The following PROX1 variants were observed in gnomAD, a reference collection of about 807,000 sequenced individuals.
PROX1 encodes the protein prospero homeobox protein 1.
A neutral mutation model predicts 58.8 loss-of-function variants in PROX1; 7 were observed. The observed-to-expected ratio is 0.12, with a 90% CI of 0.07 to 0.22. The LOEUF is 0.22. Among genes scored for constraint, PROX1 ranks in the 10% least tolerant of loss-of-function variants. The probability of loss-of-function intolerance (pLI) is 1.00; values close to 1 mark genes in which losing one functional copy is unlikely to be tolerated. For missense variants in PROX1, 675 were observed against 927.8 expected (o/e 0.73, Z 3.54); for synonymous variants, 350 against 358.3 (o/e 0.98, Z 0.26).
In PROX1 at chr1:214,036,118, G is replaced by A. The variant is rs188707422; in HGVS notation, c.*284G>A. The A allele has an allele frequency of 1.7e-3, 394 of 235,168 alleles. No homozygotes were observed. The highest frequency in any genetic ancestry group is 3.6e-3 in the African/African-American group (158 of 44,320). The allele number at this position is 235,168 out of a possible 1,614,324, so 14.6% of individuals were successfully genotyped here. ...ATTTTCAGGGAAAAAGAATGTTGGCGTGTGTAAAGTCTCTATTAGCAATGA... is the reference window on the plus strand; with the variant it reads ...ATTTTCAGGGAAAAAGAATGTTGGCATGTGTAAAGTCTCTATTAGCAATGA... On this transcript the variant is annotated 3_prime_UTR_variant, in exon 5 of 5. Coordinates refer to ENST00000366958, the MANE Select transcript of PROX1 (RefSeq NM_001270616.2).
At chr1:214,033,290 G>A (rs1448384207) in intron 4 of PROX1, among the ~76,000 whole-genome samples, 1 of 152,148 alleles carries the variant, frequency 6.6e-6, no homozygotes, top group Non-Finnish European at 1.5e-5. Context: ...TTCTTGAAAC[G>A]TTTATTTTAA....
chr1:214,038,100 TC>T lies in PROX1; in HGVS notation c.*2270del, dbSNP rs1378536621. On this transcript the variant is annotated 3_prime_UTR_variant, in exon 5 of 5. Coordinates refer to ENST00000366958, the MANE Select transcript of PROX1 (RefSeq NM_001270616.2). ...TATTTGGATTTTTTTAGTATTATTTTCCCCTCCCTTTCTAATTTAAATAGAC... is the reference window on the plus strand; with the variant it reads ...TATTTGGATTTTTTTAGTATTATTTTCCCTCCCTTTCTAATTTAAATAGAC... The T allele has an allele frequency of 4.6e-5, 7 of 152,190 alleles. No individual in the cohort carries two copies. The highest frequency in any genetic ancestry group is 1.7e-4 in the African/African-American group (7 of 41,450). The allele number at this position is 152,190 out of a possible 1,614,324, so 9.4% of individuals were successfully genotyped here.
At chr1:214,007,469 T>C (rs1663757840) in intron 3 of PROX1, among the ~76,000 whole-genome samples, 1 of 152,256 alleles carries the variant, frequency 6.6e-6, no homozygotes, top group Non-Finnish European at 1.5e-5. Context: ...AATTATGTTT[T>C]TTCTTTGGTT....
At chr1:213,985,562 C>A (rs541156617), upstream of PROX1, 1 of 152,304 alleles carries the variant, frequency 6.6e-6, no homozygotes, top group Admixed American at 6.5e-5. Context: ...GAGCCGGGAG[C>A]CTCTGCCGCC....
At chr1:213,986,761 C>T (rs1222190704), upstream of PROX1, among the ~76,000 whole-genome samples, 1 of 152,176 alleles carries the variant, frequency 6.6e-6, no homozygotes, top group Non-Finnish European at 1.5e-5. Context: ...GTCATAAACG[C>T]GGCTGCTTTA....
In PROX1 at chr1:213,991,779, A is replaced by G. The variant is rs543971056; in HGVS notation, c.-68+3296A>G. 1.1e-4 allele frequency among the ~76,000 whole-genome samples: 17 copies of G among 152,330 alleles called. No individual in the cohort carries two copies. The South Asian group carries it at 3.3e-3, about 30-fold the overall frequency. ...AAACTCAAACAGGCCTCTTTTCATG[A>G]ATGTCTTATATCATTTTAGGGATTG... On this transcript the variant is annotated intron_variant, in intron 1 of 4. Transcript: ENST00000366958.
chr1:214,026,730 T>C (rs1318596002), intron 4 of PROX1, among the ~76,000 whole-genome samples: 1 of 152,326 alleles, frequency 6.6e-6, no homozygotes, highest in East Asian at 1.9e-4. Flanking sequence ...ACAAAGAAGA[T>C]ACTCAGGGTG....
At chr1:213,989,535 G>A (rs545449522) in intron 1 of PROX1, among the ~76,000 whole-genome samples, 2 of 152,208 alleles carry the variant, frequency 1.3e-5, no homozygotes, top group South Asian at 4.2e-4. Context: ...TAGGAGGACT[G>A]GGGAGGGAGG....
intron 4 of PROX1, among the ~76,000 whole-genome samples, chr1:214,024,121 C>T (rs888975977): frequency 6.6e-6 from 1 of 152,194 alleles, no homozygotes; most frequent in African/African-American, 2.4e-5. Flanking sequence ...CTAAACATTA[C>T]CTCAAGTCCC....
Position 213,997,505 on chromosome 1 carries a change from A to G in PROX1, c.970A>G (p.Lys324Glu). The change falls in exon 2 of 5, where the codon AAG becomes GAG. Residue 324 changes from lysine to glutamate, a missense_variant. This residue lies in a region of PROX1 where 403 missense variants were observed against 477.4 expected (regional missense o/e 0.84). Transcript: ENST00000366958. This position sits in a 1 kb window ranked among gnomAD's most constrained non-coding sequence, Gnocchi z 7.1. ...LIREQEMAEN[K>E]PKREGNNKER... Reference sequence around the variant, plus strand: ...CAGAGAGCAGGAAATGGCTGAAAACAAGCCGAAGCGAGAAGGCAACAACAA... The same window carrying G: ...CAGAGAGCAGGAAATGGCTGAAAACGAGCCGAAGCGAGAAGGCAACAACAA... The G allele has an allele frequency of 6.2e-7, 1 of 1,614,104 alleles. No homozygotes were observed. The highest frequency in any genetic ancestry group is 8.5e-7 in the Non-Finnish European group (1 of 1,179,988).
rs139270548 is a variant in PROX1, at chr1:214,027,856, T to TTATATATA, written c.2029-7782_2029-7775dup. On this transcript the variant is annotated intron_variant, in intron 4 of 4. Transcript: ENST00000366958. ...AACAGAACATTGTTCTTTCGAAGCT[T>TTATATATA]TATATATATATATATATAAAAGAGA... Among the ~76,000 whole-genome samples the TTATATATA allele has an allele frequency of 2.8e-3, 401 of 145,016 alleles. 3 individuals are homozygous for TTATATATA. Among genetic ancestry groups the TTATATATA allele is most frequent in the African/African-American group, 9.6e-3 (388 of 40,522 alleles).
chr1:214,030,680 G>A (rs1456001624), intron 4 of PROX1: 1 of 152,216 alleles, frequency 6.6e-6, no homozygotes, highest in Non-Finnish European at 1.5e-5. Context: ...GAAAATAGGA[G>A]AGGCTGTCTT....
rs201543962 is a variant in PROX1, at chr1:214,035,780, A to G, written c.2160A>G (p.Glu720=). The G allele has an allele frequency of 6.2e-7, 1 of 1,613,968 alleles. No homozygotes were observed. The highest frequency in any genetic ancestry group is 8.5e-7 in the Non-Finnish European group (1 of 1,179,888). ...IYKVICKLDS[E]VPEIFKSPNC... Reference sequence around the variant, plus strand: ...AGGTCATCTGCAAGCTGGATAGTGAAGTCCCTGAGATTTTCAAATCCCCGA... The same window carrying G: ...AGGTCATCTGCAAGCTGGATAGTGAGGTCCCTGAGATTTTCAAATCCCCGA... The change falls in exon 5 of 5, where the codon GAA becomes GAG. Residue 720 remains glutamate (E), a synonymous_variant. Transcript: ENST00000366958.
chr1:214,021,602 C>A, intron 4 of PROX1, among the ~76,000 whole-genome samples: 1 of 152,242 alleles, frequency 6.6e-6, no homozygotes, highest in East Asian at 1.9e-4. Flanking sequence ...CAGTTACTAA[C>A]TCACACAGCA....
chr1:214,039,986 A>G lies in PROX1; in HGVS notation c.*4152A>G, dbSNP rs1664960530. On this transcript the variant is annotated 3_prime_UTR_variant, in exon 5 of 5. Transcript: ENST00000366958. ...AAGACAGTGCAAAAATCTCTTTGCC[A>G]TGTATATTATAGCGTATTCATTGGT... The G allele has an allele frequency of 6.6e-6, 1 of 152,230 alleles. No individual in the cohort carries two copies. The highest frequency in any genetic ancestry group is 2.1e-4 in the South Asian group (1 of 4,832). 9.4% of individuals were successfully genotyped at this position (152,230 alleles called of 1,614,324 possible). A position where few individuals can be genotyped will look rare whatever the true frequency, so the allele number is the denominator to read the frequency against.
intron 4 of PROX1, among the ~76,000 whole-genome samples, chr1:214,024,533 C>T (rs536992629): frequency 2.6e-5 from 4 of 152,272 alleles, no homozygotes; most frequent in Admixed American, 6.5e-5. Context: ...GTATCACAAG[C>T]GCTTTCTTTG....
At chr1:214,019,864 T>C (rs1055804612) in intron 4 of PROX1, among the ~76,000 whole-genome samples, 1 of 152,206 alleles carries the variant, frequency 6.6e-6, no homozygotes, top group African/African-American at 2.4e-5. Context: ...CGTTCTTTTG[T>C]GTAGCTGATG....
At chr1:213,986,957 C>A (rs926770171), upstream of PROX1, among the ~76,000 whole-genome samples, 1 of 152,158 alleles carries the variant, frequency 6.6e-6, no homozygotes, top group African/African-American at 2.4e-5. Context: ...TATTTTAGAG[C>A]CTGCGATTTA....
intron 2 of PROX1, among the ~76,000 whole-genome samples, chr1:214,003,046 T>C (rs1160146106): frequency 6.6e-6 from 1 of 152,174 alleles, no homozygotes; most frequent in African/African-American, 2.4e-5. Context: ...ATCAGAATAA[T>C]TTTTTGTTAG....
Sources: allele counts gnomAD v4.1 joint callset (sites outside exome capture counted in the v4.1 genomes callset), GRCh38; gene constraint gnomAD v4.1.1; regional missense constraint gnomAD v4.1.1; non-coding constraint Gnocchi (gnomAD v3.1); transcripts MANE v1.5; gene names NCBI Gene and HGNC (gene_info 2026-07-23, HGNC 2026-07-21).